Variants in ENPP2 observed in about 807,000 individuals in gnomAD.
The protein encoded by ENPP2 is ectonucleotide pyrophosphatase/phosphodiesterase 2, also known as autotaxin.
ENPP2 carries 51 observed loss-of-function variants against 120.2 expected under a neutral mutation model. The ratio of observed to expected loss-of-function variants is 0.42; its 90% CI spans 0.34 to 0.54. The LOEUF is 0.54. Ranked by LOEUF, ENPP2 falls within the 20% of genes least tolerant of loss-of-function variation. The pLI is 0.04. For missense variants in ENPP2, 920 were observed against 1,066.5 expected, an observed-to-expected ratio of 0.86 and a Z score of 1.91; for synonymous variants, 365 against 366.4, an observed-to-expected ratio of 1.00 and a Z score of 0.04.
At chr8:119,591,059 A>G (rs1281328999) in intron 12 of ENPP2, among the ~76,000 whole-genome samples, 1 of 151,476 alleles carries the variant, frequency 6.6e-6, no homozygotes, top group Non-Finnish European at 1.5e-5. Flanking sequence ...GGTGGTATAA[A>G]TGGAATATAC....
intron 3 of ENPP2, among the ~76,000 whole-genome samples, chr8:119,626,000 G>A (rs1190285827): frequency 2.6e-5 from 4 of 152,156 alleles, no homozygotes; most frequent in Admixed American, 6.6e-5. Context: ...GTTACTGTAC[G>A]ATAAGATGAA....
At chr8:119,607,483 C>T (rs60250385) in intron 9 of ENPP2, among the ~76,000 whole-genome samples, 2 of 151,790 alleles carry the variant, frequency 1.3e-5, no homozygotes, top group Admixed American at 1.3e-4. Context: ...AGACCAGCCT[C>T]GCAAACGTGG....
intron 9 of ENPP2, among the ~76,000 whole-genome samples, chr8:119,605,510 G>T (rs141999662): frequency 0.083 from 12,356 of 149,674 alleles, 569 homozygotes; most frequent in South Asian, 0.16. Context: ...GCCCAGGTTG[G>T]AGTGCAATGG....
Position 119,593,824 on chromosome 8 carries a change from C to A in ENPP2, c.1009G>T (p.Gly337Trp). 1 of 1,612,870 alleles carries A rather than the reference C, an allele frequency of 6.2e-7. No individual in the cohort carries two copies. Among genetic ancestry groups the A allele is most frequent in the Non-Finnish European group, 8.5e-7 (1 of 1,178,874 alleles). Residue 337 changes from glycine (G) to tryptophan (W), a missense_variant, in exon 12 of 25, where the codon GGG becomes TGG. Coordinates refer to ENST00000075322, the MANE Select transcript of ENPP2 (RefSeq NM_001040092.3). ...TGTTTCAGTCCATCCATTAATTGCCCCACAATTTTGTCGATTTCCCTCAGA... is the reference window on the plus strand; with the variant it reads ...TGTTTCAGTCCATCCATTAATTGCCACACAATTTTGTCGATTTCCCTCAGA... ...NPLREIDKIV[G>W]QLMDGLKQLK...
rs1817137503 is a variant in ENPP2, at chr8:119,638,422, T to TA, written c.136+2dup. The TA allele has an allele frequency of 4.0e-6, 6 of 1,498,656 alleles. No individual in the cohort carries two copies. The highest frequency in any genetic ancestry group is 5.6e-6 in the Non-Finnish European group (6 of 1,075,052). 92.8% of individuals were successfully genotyped at this position (1,498,656 alleles called of 1,614,324 possible). The stretch of plus-strand genomic sequence containing the variant: ...TGAAAATGCAAATAGTTTTGACACT[T>TA]ACCTGTAGGAGGACCTTCCTCCCAT... On this transcript the variant is annotated splice_region_variant and intron_variant, in intron 2 of 24. Coordinates refer to ENST00000075322, the MANE Select transcript of ENPP2 (RefSeq NM_001040092.3).
At chr8:119,673,202 C>T in intron 1 of ENPP2, 2 of 1,454,126 alleles carry the variant, frequency 1.4e-6, no homozygotes, top group Non-Finnish European at 1.9e-6. Context: ...GCAGCTGTGA[C>T]CTGGGAGCCC....
intron 19 of ENPP2, chr8:119,578,490 A>C (rs1812503850): frequency 1.3e-5 from 2 of 152,236 alleles, no homozygotes; most frequent in Admixed American, 1.3e-4. Context: ...GAATCAGCAA[A>C]ATCATGGGAG....
At chr8:119,581,327 C>T (rs973418448) in intron 18 of ENPP2, among the ~76,000 whole-genome samples, 26 of 151,450 alleles carry the variant, frequency 1.7e-4, no homozygotes, top group African/African-American at 6.3e-4. Flanking sequence ...TCTCTGTTTG[C>T]ACCACCACCG....
chr8:119,638,615 CA>C, intron 1 of ENPP2, 88 bp from the exon 2 acceptor site: 1 of 1,015,474 alleles, frequency 9.8e-7, no homozygotes, highest in Non-Finnish European at 1.6e-6. Flanking sequence ...GCTTCAATAT[CA>C]ACACCCAATC....
At chr8:119,628,207 A>G (rs1194059560) in intron 2 of ENPP2, among the ~76,000 whole-genome samples, 1 of 152,174 alleles carries the variant, frequency 6.6e-6, no homozygotes, top group Non-Finnish European at 1.5e-5. Context: ...AGTAGGGACT[A>G]TAAATAATTA....
Position 119,562,711 on chromosome 8 carries a change from CA to C in ENPP2, c.2421+145del, listed in dbSNP as rs1384061602. On this transcript the variant is annotated intron_variant, in intron 24 of 24. Coordinates refer to ENST00000075322, the MANE Select transcript of ENPP2 (RefSeq NM_001040092.3). Reference sequence around the variant, plus strand: ...GAAGGCAAAATTCCTACATGTTAAGCAAAGTTCTGTTTGGTTCCTTTCTTTT... The same window carrying C: ...GAAGGCAAAATTCCTACATGTTAAGCAAGTTCTGTTTGGTTCCTTTCTTTT... The C allele has an allele frequency of 5.4e-6, 4 of 740,292 alleles. No homozygotes were observed. In the African/African-American group the frequency reaches 7.1e-5, roughly 13 times the overall value. 45.9% of individuals were successfully genotyped at this position (740,292 alleles called of 1,614,324 possible).
chr8:119,637,369 C>T (rs750319106), intron 2 of ENPP2, among the ~76,000 whole-genome samples: 2 of 152,150 alleles, frequency 1.3e-5, no homozygotes, highest in Non-Finnish European at 2.9e-5. Context: ...CTTCAATTCA[C>T]TAATTCACTT....
Position 119,617,150 on chromosome 8 carries a change from G to A in ENPP2, c.657+14C>T, listed in dbSNP as rs759392257. 1.6e-5 allele frequency: 25 copies of A among 1,565,170 alleles called. No individual in the cohort carries two copies. The South Asian group carries it at 1.7e-4, about 10-fold the overall frequency. On this transcript the variant is annotated intron_variant, in intron 7 of 24. Transcript: ENST00000075322. ...TCAGCCCTTTGAATGTGTATCATTCGAAAAAATACTTACAGTGGCCAAAGT... is the reference window on the plus strand; with the variant it reads ...TCAGCCCTTTGAATGTGTATCATTCAAAAAAATACTTACAGTGGCCAAAGT...
intron 19 of ENPP2, among the ~76,000 whole-genome samples, chr8:119,576,208 G>A (rs190653359): frequency 2.0e-5 from 3 of 152,204 alleles, no homozygotes; most frequent in Admixed American, 1.3e-4. Flanking sequence ...GCGAGATCTC[G>A]ACTCACTGCA....
At chr8:119,601,331 T>C (rs1399472798) in intron 10 of ENPP2, 66 bp downstream of exon 10, 1 of 1,085,604 alleles carries the variant, frequency 9.2e-7, no homozygotes, top group African/African-American at 1.5e-5. Context: ...CACAGTCTAG[T>C]GTTTCACGCA....
chr8:119,627,937 A>G (rs1039054729), intron 2 of ENPP2, among the ~76,000 whole-genome samples: 2 of 150,542 alleles, frequency 1.3e-5, no homozygotes, highest in African/African-American at 4.9e-5. Context: ...AAAAATATCA[A>G]TATTATAAAA....
chr8:119,592,490 A>G (rs1813585338), intron 12 of ENPP2, among the ~76,000 whole-genome samples: 1 of 151,382 alleles, frequency 6.6e-6, no homozygotes, highest in African/African-American at 2.4e-5. Context: ...AAAAAAAAAA[A>G]AAAAAAAGAA....
Position 119,586,278 on chromosome 8 carries a change from C to A in ENPP2, c.1275G>T (p.Leu425Phe), listed in dbSNP as rs1334349830. 1.2e-6 allele frequency: 2 copies of A among 1,613,840 alleles called. No homozygotes were observed. Among genetic ancestry groups the A allele is most frequent in the African/African-American group, 1.3e-5 (1 of 74,906 alleles). Residue 425 changes from leucine to phenylalanine, a missense_variant, in exon 15 of 25, where the codon TTG (leucine) becomes TTT (phenylalanine). Physicochemically the swap from Leu to Phe is conservative, Grantham distance 22. Transcript: ENST00000075322. ...GCAAACGTTTGGGAAGGTGCTGTTTCAAGTAAGGCTTAAAGTGCTGATCTG... is the reference window on the plus strand; with the variant it reads ...GCAAACGTTTGGGAAGGTGCTGTTTAAAGTAAGGCTTAAAGTGCTGATCTG... ...KKPDQHFKPY[L>F]KQHLPKRLHY...
chr8:119,673,366 G>C, exon 1 of ENPP2: 1 of 1,395,102 alleles, frequency 7.2e-7, no homozygotes, highest in African/African-American at 1.4e-5. Context: ...CGGGACGGCT[G>C]CTGCGGACTG....
Sources: gnomAD v4.1 joint callset for allele counts (sites outside exome capture counted in the v4.1 genomes callset) on GRCh38, gnomAD v4.1.1 for gene constraint, MANE v1.5 for transcripts, NCBI Gene and HGNC (gene_info 2026-07-23, HGNC 2026-07-21) for gene names.